CDK19: variants seen among roughly 807,000 people sequenced by gnomAD.
The protein encoded by CDK19 is cyclin dependent kinase 19.
In CDK19, 20 loss-of-function variants were observed where a neutral mutation model predicts 68.3. The observed-to-expected ratio is 0.29, with a 90% CI of 0.21 to 0.43. The LOEUF is 0.43. Among genes scored for constraint, CDK19 ranks in the 20% least tolerant of loss-of-function variants. CDK19 has a pLI of 1.00. For missense variants in CDK19, 339 were observed against 623.5 expected (o/e 0.54, Z 4.86); for synonymous variants, 221 against 222.8 (o/e 0.99, Z 0.07).
chr6:110,642,792 A>C (rs1780290501), intron 4 of CDK19, among the ~76,000 whole-genome samples: 1 of 145,664 alleles, frequency 6.9e-6, no homozygotes, highest in African/African-American at 2.5e-5. Flanking sequence ...ATAGGAGGGG[A>C]GGGGAGGGGA....
chr6:110,648,531 T>A (rs570330990), intron 4 of CDK19, among the ~76,000 whole-genome samples: 1 of 146,978 alleles, frequency 6.8e-6, no homozygotes, highest in East Asian at 2.3e-4. Flanking sequence ...GAAATCTTTT[T>A]TCTTTTCTTT....
chr6:110,783,648 A>G (rs1177228854), intron 1 of CDK19, among the ~76,000 whole-genome samples: 1 of 151,894 alleles, frequency 6.6e-6, no homozygotes, highest in Non-Finnish European at 1.5e-5. Context: ...AAAAAAAAAA[A>G]AGAAAAAAAA....
intron 2 of CDK19, among the ~76,000 whole-genome samples, chr6:110,739,831 G>A (rs1777523971): frequency 6.6e-6 from 1 of 150,662 alleles, no homozygotes; most frequent in African/African-American, 2.4e-5. Context: ...ATAGAGACAG[G>A]GTCTCACAAT....
At chr6:110,615,203 C>T (rs914646351) in intron 12 of CDK19, among the ~76,000 whole-genome samples, 3 of 151,980 alleles carry the variant, frequency 2.0e-5, no homozygotes, top group South Asian at 2.1e-4. Context: ...AGGTGGGGTG[C>T]GGCAGCAACA....
chr6:110,773,654 A>C (rs1780196457), intron 1 of CDK19, among the ~76,000 whole-genome samples: 1 of 152,202 alleles, frequency 6.6e-6, no homozygotes, highest in Non-Finnish European at 1.5e-5. Context: ...AGTGAAATTT[A>C]GAGTCTTTAG....
At position 110,765,304 on chromosome 6, in the gene CDK19, T is replaced by C. The variant is rs1158256796; in HGVS notation, c.129-19103A>G. Among the ~76,000 whole-genome samples, 8 of 152,092 alleles carry C rather than the reference T, an allele frequency of 5.3e-5. No homozygotes were observed. The East Asian group carries it at 1.5e-3, about 29-fold the overall frequency. On this transcript the variant is annotated intron_variant, in intron 1 of 12. Transcript: ENST00000368911. The stretch of plus-strand genomic sequence containing the variant: ...TTAGGAAGAAGGATCACTTGAGCCC[T>C]GGAGGTTGAGGCTGCAAATAGCTAT...
chr6:110,623,749 TATACATATATATATAC>T (rs1195595735), intron 8 of CDK19, among the ~76,000 whole-genome samples: 22 of 88,180 alleles, frequency 2.5e-4, no homozygotes, highest in African/African-American at 5.5e-4. Context: ...TATATATATA[TATACATATATATATAC>T]ACATATATAT....
intron 2 of CDK19, among the ~76,000 whole-genome samples, chr6:110,672,794 G>A (rs940637627): frequency 1.4e-4 from 21 of 151,722 alleles, no homozygotes; most frequent in African/African-American, 5.1e-4. Context: ...CTTCCTTCAG[G>A]TGAGAAGTGA....
intron 1 of CDK19, among the ~76,000 whole-genome samples, chr6:110,802,578 T>C (rs1312272594): frequency 6.6e-6 from 1 of 152,172 alleles, no homozygotes; most frequent in Non-Finnish European, 1.5e-5. Flanking sequence ...GGGTACTATG[T>C]TCACTATTTG....
Position 110,667,590 on chromosome 6 carries a change from A to T in CDK19, c.316-16T>A. On this transcript the variant is annotated splice_polypyrimidine_tract_variant and intron_variant, in intron 3 of 12. Transcript: ENST00000368911. ...TAATAATATGCTAAAAATTAAAAAA[A>T]AACATAATAATATAGTCTTTGCTAA... is the stretch of plus-strand genomic sequence containing the variant. 1 of 1,378,772 alleles carries T rather than the reference A, an allele frequency of 7.3e-7. No individual in the cohort carries two copies. Among genetic ancestry groups the T allele is most frequent in the East Asian group, 2.5e-5 (1 of 40,338 alleles). 85.4% of individuals were successfully genotyped at this position (1,378,772 alleles called of 1,614,324 possible).
intron 2 of CDK19, among the ~76,000 whole-genome samples, chr6:110,673,049 C>T (rs865948474): frequency 1.3e-5 from 2 of 152,050 alleles, no homozygotes; most frequent in South Asian, 4.1e-4. Context: ...ATTTCCAGAA[C>T]TTTTTCATCC....
intron 4 of CDK19, among the ~76,000 whole-genome samples, chr6:110,645,298 T>A (rs1461291587): frequency 2.0e-5 from 3 of 152,332 alleles, no homozygotes; most frequent in Non-Finnish European, 4.4e-5. Flanking sequence ...TGAAAATTTT[T>A]AAATATTTCT....
chr6:110,790,927 T>C (rs943480024), intron 1 of CDK19, among the ~76,000 whole-genome samples: 2 of 152,128 alleles, frequency 1.3e-5, no homozygotes, highest in African/African-American at 2.4e-5. Context: ...ATCCCAGCAC[T>C]TTGGGAGGCT....
chr6:110,655,686 C>T (rs1363967716), intron 4 of CDK19, among the ~76,000 whole-genome samples: 1 of 151,378 alleles, frequency 6.6e-6, no homozygotes, highest in Admixed American at 6.6e-5. Context: ...CAACTATCTC[C>T]CCTCCTCTCA....
chr6:110,799,383 G>A (rs932541621), intron 1 of CDK19, among the ~76,000 whole-genome samples: 1 of 151,904 alleles, frequency 6.6e-6, no homozygotes, highest in Admixed American at 6.6e-5. Flanking sequence ...AGGAGTATGC[G>A]GACCATGTGG....
intron 2 of CDK19, among the ~76,000 whole-genome samples, chr6:110,724,119 C>T (rs1025287822): frequency 2.4e-4 from 37 of 152,096 alleles, no homozygotes; most frequent in African/African-American, 8.7e-4. Context: ...TTTGGGAGGC[C>T]GAGGCGGGTG....
At chr6:110,732,139 T>C (rs968258298) in intron 2 of CDK19, among the ~76,000 whole-genome samples, 6 of 151,926 alleles carry the variant, frequency 3.9e-5, no homozygotes, top group African/African-American at 7.3e-5. Context: ...ACTAAAAGGT[T>C]TGTTTCCTAA....
intron 6 of CDK19, among the ~76,000 whole-genome samples, chr6:110,627,699 T>C (rs1282262850): frequency 6.6e-6 from 1 of 152,130 alleles, no homozygotes; most frequent in Non-Finnish European, 1.5e-5. Flanking sequence ...AATTGTTTTG[T>C]AGAGACAAGG....
At chr6:110,714,954 G>C (rs1775259249) in intron 2 of CDK19, among the ~76,000 whole-genome samples, 1 of 151,870 alleles carries the variant, frequency 6.6e-6, no homozygotes, top group Non-Finnish European at 1.5e-5. Context: ...GGCTGGTCTT[G>C]AACTCCTGAC....
Sources: allele counts gnomAD v4.1 joint callset (sites outside exome capture counted in the v4.1 genomes callset), GRCh38; gene constraint gnomAD v4.1.1; transcripts MANE v1.5; gene names NCBI Gene and HGNC (gene_info 2026-07-23, HGNC 2026-07-21).